Variants in ARHGAP6 observed in about 807,000 individuals in gnomAD.
The protein encoded by ARHGAP6 is rho GTPase-activating protein 6.
Under a neutral mutation model 55.7 loss-of-function variants are expected in ARHGAP6, and 16 were observed. That is an observed-to-expected ratio of 0.29 (90% CI 0.19 to 0.44). The LOEUF (loss-of-function observed/expected upper bound fraction) is 0.44. ARHGAP6 is among the 20% of genes least tolerant of loss of function. The probability of loss-of-function intolerance (pLI) is 1.00; values close to 1 mark genes in which losing one functional copy is unlikely to be tolerated. For synonymous variants in ARHGAP6, 382 were observed against 360.9 expected (o/e 1.06, Z -0.66); for missense variants, 698 against 808.9 (o/e 0.86, Z 1.66).
intron 1 of ARHGAP6, among the ~76,000 whole-genome samples, chrX:11,607,789 A>T (rs2052053059): frequency 8.9e-6 from 1 of 112,425 alleles, no homozygotes; most frequent in Admixed American, 9.4e-5. Context: ...ATTGTAGCCA[A>T]AAAGCTGGGG....
In ARHGAP6 at chrX:11,209,289, G is replaced by A. The variant is rs949461042; in HGVS notation, c.749-12293C>T. Among the ~76,000 whole-genome samples the A allele has an allele frequency of 1.1e-4, 12 of 111,527 alleles. No individual in the cohort carries two copies. The South Asian group carries it at 2.3e-3, about 21-fold the overall frequency. ...CCCGAGTATCTGGGATTACAGATGT[G>A]TGCCACCATGCCTGGCTAATTTTTT... On this transcript the variant is annotated intron_variant, in intron 2 of 12. Coordinates refer to ENST00000337414, the MANE Select transcript of ARHGAP6 (RefSeq NM_013427.3).
chrX:11,244,975 T>C (rs2047333894), intron 2 of ARHGAP6, among the ~76,000 whole-genome samples: 1 of 112,209 alleles, frequency 8.9e-6, no homozygotes, highest in East Asian at 2.8e-4. Flanking sequence ...CATAGCATCA[T>C]ATAGTGGCAG....
At chrX:11,359,111 A>G (rs1162295428) in intron 1 of ARHGAP6, among the ~76,000 whole-genome samples, 2 of 112,027 alleles carry the variant, frequency 1.8e-5, no homozygotes, top group African/African-American at 6.5e-5. Context: ...ATCTCCTTAT[A>G]AAGCAAACAC....
chrX:11,289,437 C>G (rs374689438), intron 1 of ARHGAP6, among the ~76,000 whole-genome samples: 4 of 111,445 alleles, frequency 3.6e-5, no homozygotes, highest in African/African-American at 1.3e-4. Flanking sequence ...CTCGGCTACC[C>G]AGAGATTTTC....
Position 11,527,184 on chromosome X carries a change from T to C in ARHGAP6, c.588+137057A>G, listed in dbSNP as rs1431393169. Among the ~76,000 whole-genome samples, 3 of 111,276 alleles carry C rather than the reference T, an allele frequency of 2.7e-5. No homozygotes were observed. In the East Asian group the frequency reaches 8.4e-4, roughly 31 times the overall value. On this transcript the variant is annotated intron_variant, in intron 1 of 12. Coordinates refer to ENST00000337414, the MANE Select transcript of ARHGAP6 (RefSeq NM_013427.3). ...CTTACCTCTCTGACTCAAGTAGCTG[T>C]TTGAACCTAGACAAATGACTTAACT...
chrX:11,143,036 A>G (rs1340473149), intron 11 of ARHGAP6: 1 of 112,238 alleles, frequency 8.9e-6, no homozygotes, highest in African/African-American at 3.2e-5. Context: ...TCATGCATGC[A>G]TTCACTCATA....
chrX:11,254,769 C>T, intron 1 of ARHGAP6, 62 bp from the exon 2 acceptor site: 1 of 1,038,874 alleles, frequency 9.6e-7, no homozygotes, highest in East Asian at 3.3e-5. Context: ...TTACCTCTCA[C>T]AAATCTCATC....
chrX:11,482,345 C>G, intron 1 of ARHGAP6, among the ~76,000 whole-genome samples: 1 of 112,125 alleles, frequency 8.9e-6, no homozygotes, highest in Non-Finnish European at 1.9e-5. Context: ...CCCCCAGCAG[C>G]TGCAGATAAA....
chrX:11,582,445 G>C (rs2051676957), intron 1 of ARHGAP6, among the ~76,000 whole-genome samples: 2 of 111,784 alleles, frequency 1.8e-5, no homozygotes, highest in African/African-American at 6.5e-5. Context: ...TCATTTCTTT[G>C]AATTTTTCAA....
chrX:11,507,185 A>G (rs773867694), intron 1 of ARHGAP6, among the ~76,000 whole-genome samples: 1 of 111,299 alleles, frequency 9.0e-6, no homozygotes, highest in South Asian at 3.8e-4. Context: ...TGAAGGGGAG[A>G]GGAATTCCTA....
intron 1 of ARHGAP6, among the ~76,000 whole-genome samples, chrX:11,451,960 C>T (rs951201049): frequency 8.9e-6 from 1 of 111,764 alleles, no homozygotes; most frequent in African/African-American, 3.3e-5. Context: ...ACCACAATTA[C>T]GTATCAACCC....
intron 1 of ARHGAP6, among the ~76,000 whole-genome samples, chrX:11,435,016 C>T (rs1432866105): frequency 8.0e-5 from 9 of 112,047 alleles, no homozygotes; most frequent in Admixed American, 7.6e-4. Flanking sequence ...TGGTTCTCAG[C>T]CAGGGGCAGA....
intron 1 of ARHGAP6, among the ~76,000 whole-genome samples, chrX:11,418,645 T>C (rs1378651928): frequency 8.9e-6 from 1 of 111,855 alleles, no homozygotes; most frequent in Non-Finnish European, 1.9e-5. Flanking sequence ...CAATATTAGA[T>C]TAATGACAAA....
At chrX:11,139,829 G>T (rs778408537) in intron 12 of ARHGAP6, among the ~76,000 whole-genome samples, 6 of 112,331 alleles carry the variant, frequency 5.3e-5, no homozygotes, top group African/African-American at 1.9e-4. Flanking sequence ...TTCAGGAAAG[G>T]GCCCCTCTAC....
At chrX:11,438,281 T>A (rs2050006749) in intron 1 of ARHGAP6, among the ~76,000 whole-genome samples, 1 of 112,580 alleles carries the variant, frequency 8.9e-6, no homozygotes, top group Non-Finnish European at 1.9e-5. Context: ...TGCAAACCCA[T>A]GGAACCATCC....
intron 1 of ARHGAP6, among the ~76,000 whole-genome samples, chrX:11,506,136 C>T (rs1035588212): frequency 4.1e-4 from 46 of 111,609 alleles, no homozygotes; most frequent in African/African-American, 1.4e-3. Context: ...CCACGATTCT[C>T]CCCAACTCTC....
chrX:11,550,463 A>G (rs2051255460), intron 1 of ARHGAP6, among the ~76,000 whole-genome samples: 1 of 112,282 alleles, frequency 8.9e-6, no homozygotes, highest in Admixed American at 9.5e-5. Context: ...AAAAATCCTG[A>G]TGCATAGACC....
chrX:11,445,247 G>GA (rs1425838352), intron 1 of ARHGAP6, among the ~76,000 whole-genome samples: 1 of 112,048 alleles, frequency 8.9e-6, no homozygotes, highest in Non-Finnish European at 1.9e-5. Context: ...ATATGGGCAT[G>GA]AAATAGTTGA....
At chrX:11,589,034 C>T (rs959564735) in intron 1 of ARHGAP6, among the ~76,000 whole-genome samples, 7 of 101,303 alleles carry the variant, frequency 6.9e-5, no homozygotes, top group Non-Finnish European at 9.8e-5. Flanking sequence ...CATTTGACTG[C>T]TGCATTGGAA....
Sources: gnomAD v4.1 joint callset for allele counts (sites outside exome capture counted in the v4.1 genomes callset) on GRCh38, gnomAD v4.1.1 for gene constraint, MANE v1.5 for transcripts, NCBI Gene and HGNC (gene_info 2026-07-23, HGNC 2026-07-21) for gene names.